OPCML: variants seen among roughly 807,000 people sequenced by gnomAD.
OPCML encodes opioid binding protein/cell adhesion molecule like.
OPCML carries 13 observed loss-of-function variants against 37.8 expected under a neutral mutation model. The ratio of observed to expected loss-of-function variants is 0.34; its 90% confidence interval spans 0.22 to 0.55. The LOEUF is 0.55. Among genes scored for constraint, OPCML ranks in the 20% least tolerant of loss-of-function variants. The probability of loss-of-function intolerance (pLI) is 0.91; values close to 1 mark genes in which losing one functional copy is unlikely to be tolerated. For synonymous variants in OPCML, 176 were observed against 168.8 expected, an observed-to-expected ratio of 1.04 and a Z score of -0.33; for missense variants, 341 against 435.6, an observed-to-expected ratio of 0.78 and a Z score of 1.93.
At chr11:133,235,649 A>C (rs183810639) in intron 1 of OPCML, among the ~76,000 whole-genome samples, 1 of 152,294 alleles carries the variant, frequency 6.6e-6, no homozygotes, top group East Asian at 1.9e-4. Flanking sequence ...TAGGAAACTG[A>C]ACGCTGGCTC....
chr11:132,931,526 A>T (rs1400944505), intron 2 of OPCML, among the ~76,000 whole-genome samples: 1 of 152,210 alleles, frequency 6.6e-6, no homozygotes, highest in Admixed American at 6.5e-5. Context: ...CATTTCTCCA[A>T]AGAAGGATAT....
intron 2 of OPCML, among the ~76,000 whole-genome samples, chr11:132,774,721 T>C (rs1198256310): frequency 6.6e-6 from 1 of 152,200 alleles, no homozygotes; most frequent in Non-Finnish European, 1.5e-5. Flanking sequence ...CTCACCATGT[T>C]CCTCACTGTC....
At chr11:133,162,625 T>C (rs1950160190) in intron 1 of OPCML, among the ~76,000 whole-genome samples, 1 of 151,916 alleles carries the variant, frequency 6.6e-6, no homozygotes, top group East Asian at 1.9e-4. Context: ...TAAACAGGGG[T>C]GCCGTTCATC....
intron 1 of OPCML, chr11:133,300,367 T>C (rs1360334868): frequency 6.6e-6 from 1 of 152,186 alleles, no homozygotes; most frequent in Non-Finnish European, 1.5e-5. Context: ...GTCTCCTTTT[T>C]TGTCCCCCAA....
chr11:133,308,167 GAA>G (rs1240269925), intron 1 of OPCML, among the ~76,000 whole-genome samples: 1 of 152,072 alleles, frequency 6.6e-6, no homozygotes, highest in Admixed American at 6.6e-5. Context: ...ACTACCATGT[GAA>G]AAATGTATCC....
intron 4 of OPCML, among the ~76,000 whole-genome samples, chr11:132,505,350 T>A (rs114662374): frequency 1.8e-3 from 267 of 152,278 alleles, no homozygotes; most frequent in African/African-American, 5.7e-3. Flanking sequence ...ATTCATGTGA[T>A]CGAGCCGTAC....
intron 1 of OPCML, among the ~76,000 whole-genome samples, chr11:133,416,787 G>A (rs1030032329): frequency 1.3e-5 from 2 of 152,140 alleles, no homozygotes; most frequent in Non-Finnish European, 2.9e-5. Flanking sequence ...AGTGCCTTTT[G>A]TTATTCATAA....
chr11:133,440,464 C>T (rs112231890), intron 1 of OPCML, among the ~76,000 whole-genome samples: 3,055 of 150,154 alleles, frequency 0.02, 45 homozygotes, highest in South Asian at 0.07. Flanking sequence ...TGGTGGCTCA[C>T]GCCTGTAATC....
chr11:132,659,741 G>A (rs2135781519), intron 2 of OPCML, among the ~76,000 whole-genome samples: 1 of 150,148 alleles, frequency 6.7e-6, no homozygotes, highest in African/African-American at 2.5e-5. Flanking sequence ...TATTTGTTCA[G>A]TAGAATTTAA....
intron 2 of OPCML, among the ~76,000 whole-genome samples, chr11:132,748,214 C>T (rs1226874063): frequency 6.6e-6 from 1 of 152,152 alleles, no homozygotes; most frequent in African/African-American, 2.4e-5. Context: ...AAAACACGAA[C>T]TAGCACAAGT....
chr11:132,965,133 A>C (rs1481757279), intron 1 of OPCML, among the ~76,000 whole-genome samples: 2 of 152,112 alleles, frequency 1.3e-5, no homozygotes, highest in Non-Finnish European at 2.9e-5. Context: ...TCAGATCTTC[A>C]CCCTATCGCT....
intron 3 of OPCML, among the ~76,000 whole-genome samples, chr11:132,627,515 G>T (rs75009844): frequency 0.14 from 20,850 of 152,204 alleles, 1,875 homozygotes; most frequent in African/African-American, 0.24. Context: ...AGACAGAGAA[G>T]TAAATTATTA....
chr11:133,416,949 G>T (rs981125979), intron 1 of OPCML, among the ~76,000 whole-genome samples: 2 of 152,064 alleles, frequency 1.3e-5, no homozygotes, highest in African/African-American at 4.8e-5. Context: ...GGAAAAGGTG[G>T]GTGGGGGCTG....
intron 1 of OPCML, among the ~76,000 whole-genome samples, chr11:133,140,531 T>TAATAATAAGAAGAAGAAGAAGAAGAAG (rs1272061685): frequency 1.9e-3 from 169 of 88,074 alleles, no homozygotes; most frequent in East Asian, 2.6e-3. Context: ...ATAATAATAA[T>TAATAATAAGAAGAAGAAGAAGAAGAAG]AAGAAGAAGA....
At chr11:132,702,698 C>T (rs1261682150) in intron 2 of OPCML, among the ~76,000 whole-genome samples, 1 of 152,128 alleles carries the variant, frequency 6.6e-6, no homozygotes, top group Admixed American at 6.5e-5. Context: ...TATAATGCTA[C>T]ATATTGGCTC....
At chr11:133,409,092 T>C (rs1945590262) in intron 1 of OPCML, among the ~76,000 whole-genome samples, 1 of 152,038 alleles carries the variant, frequency 6.6e-6, no homozygotes, top group African/African-American at 2.4e-5. Flanking sequence ...GGGACGAGCG[T>C]GGGCTGTGGA....
At position 133,195,365 on chromosome 11, in the gene OPCML, C is replaced by T. The variant is rs150236671; in HGVS notation, c.62-252355G>A. On this transcript the variant is annotated intron_variant, in intron 1 of 7. Transcript: ENST00000524381. ...TTGGAGGCCATTGCTTAAGTAAAAACAGCACCCGTGAGAAAAGATGCTGGA... is the reference window on the plus strand; with the variant it reads ...TTGGAGGCCATTGCTTAAGTAAAAATAGCACCCGTGAGAAAAGATGCTGGA... 3.3e-5 allele frequency among the ~76,000 whole-genome samples: 5 copies of T among 152,328 alleles called. No homozygotes were observed. The East Asian group carries it at 9.7e-4, about 29-fold the overall frequency.
intron 4 of OPCML, among the ~76,000 whole-genome samples, chr11:132,510,953 T>C (rs2096267538): frequency 6.6e-6 from 1 of 152,210 alleles, no homozygotes; most frequent in Non-Finnish European, 1.5e-5. Context: ...TTTAATATCA[T>C]GTTACTGGAG....
intron 1 of OPCML, among the ~76,000 whole-genome samples, chr11:133,325,210 C>G (rs1045675358): frequency 6.6e-6 from 1 of 152,210 alleles, no homozygotes; most frequent in African/African-American, 2.4e-5. Flanking sequence ...CTGCTTCAGA[C>G]GTGCTGTATT....
Sources: allele counts gnomAD v4.1 joint callset (sites outside exome capture counted in the v4.1 genomes callset), GRCh38; gene constraint gnomAD v4.1.1; transcripts MANE v1.5; gene names NCBI Gene and HGNC (gene_info 2026-07-23, HGNC 2026-07-21).